Variants in SGO2 observed in about 807,000 individuals in gnomAD.
SGO2 encodes the protein shugoshin-like 2.
Under a neutral mutation model 99.5 loss-of-function variants are expected in SGO2, and 68 were observed. The observed-to-expected ratio is 0.68, with a 90% CI of 0.56 to 0.84. The LOEUF is 0.84. Among genes scored for constraint, SGO2 ranks in the 40% least tolerant of loss-of-function variants. SGO2 has a pLI of 0.00. For missense variants in SGO2, 1,350 were observed against 1,436.7 expected (o/e 0.94, Z 0.97); for synonymous variants, 457 against 487.1 (o/e 0.94, Z 0.81).
At chr2:200,535,415 C>A (rs925772183) in intron 3 of SGO2, among the ~76,000 whole-genome samples, 3 of 152,084 alleles carry the variant, frequency 2.0e-5, no homozygotes, top group African/African-American at 7.2e-5. Flanking sequence ...GACCAACATT[C>A]GATTGCTAAT....
chr2:200,530,583 T>C (rs1032550474), intron 1 of SGO2, among the ~76,000 whole-genome samples: 2 of 150,994 alleles, frequency 1.3e-5, no homozygotes, highest in African/African-American at 4.9e-5. Flanking sequence ...AAGAAGGGAG[T>C]GTAGATAAAG....
intron 5 of SGO2, among the ~76,000 whole-genome samples, chr2:200,549,118 G>A (rs2032360694): frequency 6.6e-6 from 1 of 152,078 alleles, no homozygotes; most frequent in Non-Finnish European, 1.5e-5. Context: ...GCTGGGTATG[G>A]TGGCTAATCC....
chr2:200,557,715 AAT>A (rs1451939666), intron 5 of SGO2, among the ~76,000 whole-genome samples: 1 of 152,100 alleles, frequency 6.6e-6, no homozygotes, highest in Non-Finnish European at 1.5e-5. Flanking sequence ...TTGCTATTCT[AAT>A]AGTTTGTGAA....
At chr2:200,580,918 A>G (rs945542659) in intron 8 of SGO2, among the ~76,000 whole-genome samples, 1 of 152,218 alleles carries the variant, frequency 6.6e-6, no homozygotes, top group African/African-American at 2.4e-5. Context: ...AGTGCTTTCA[A>G]TGTATCTTGA....
chr2:200,540,362 C>G (rs2031905434), intron 4 of SGO2, among the ~76,000 whole-genome samples: 1 of 152,170 alleles, frequency 6.6e-6, no homozygotes, highest in African/African-American at 2.4e-5. Flanking sequence ...TGACACTACA[C>G]TGGTGGTAAG....
intron 8 of SGO2, among the ~76,000 whole-genome samples, chr2:200,576,419 T>C (rs2033665411): frequency 6.6e-6 from 1 of 151,786 alleles, no homozygotes; most frequent in South Asian, 2.1e-4. Context: ...CTACTAAAAA[T>C]GCAAAAAGTA....
intron 2 of SGO2, among the ~76,000 whole-genome samples, chr2:200,533,565 A>G (rs1421616605): frequency 6.8e-6 from 1 of 147,500 alleles, no homozygotes; most frequent in Non-Finnish European, 1.5e-5. Context: ...GTGACTTTAT[A>G]TAGGCAATCT....
chr2:200,547,327 T>C (rs1468560800), intron 5 of SGO2, among the ~76,000 whole-genome samples: 2 of 152,178 alleles, frequency 1.3e-5, no homozygotes, highest in Admixed American at 1.3e-4. Context: ...CTTTCACGGA[T>C]AAACAAAAGC....
chr2:200,562,251 A>G (rs2033003067), intron 5 of SGO2, among the ~76,000 whole-genome samples: 1 of 152,084 alleles, frequency 6.6e-6, no homozygotes, highest in Admixed American at 6.6e-5. Flanking sequence ...TAAGGAGGGG[A>G]TCCAGTTTCA....
At chr2:200,582,383 C>A (rs1343891773) in intron 8 of SGO2, among the ~76,000 whole-genome samples, 2 of 151,992 alleles carry the variant, frequency 1.3e-5, no homozygotes, top group African/African-American at 4.8e-5. Context: ...AATAAATAGT[C>A]TAATAGATCT....
Position 200,572,400 on chromosome 2 carries a change from C to T in SGO2, c.2054C>T (p.Thr685Ile), listed in dbSNP as rs1257482710. ...AATGAAAATCAATGTGACTATAGGA[C>T]CCAGAATGTGTTGGGTTTGCAAAAG... ...RDNENQCDYRTQNVLGLQKQI... is the reference protein window; with the variant it reads ...RDNENQCDYRIQNVLGLQKQI... Residue 685 changes from threonine to isoleucine, a missense_variant, in exon 7 of 9, where the codon ACC becomes ATC. Transcript: ENST00000357799. The T allele has an allele frequency of 2.5e-6, 4 of 1,613,366 alleles. No homozygotes were observed. The highest frequency in any genetic ancestry group is 2.7e-5 in the African/African-American group (2 of 74,956).
chr2:200,536,289 A>G (rs762826207), intron 4 of SGO2, 147 bp downstream of exon 4: 28 of 453,592 alleles, frequency 6.2e-5, no homozygotes, highest in Non-Finnish European at 1.0e-4. Context: ...GGCTAACAGC[A>G]TATTATCATT....
At chr2:200,529,504 C>T (rs373592924) in intron 1 of SGO2, among the ~76,000 whole-genome samples, 394 of 151,112 alleles carry the variant, frequency 2.6e-3, no homozygotes, top group African/African-American at 4.7e-3. Flanking sequence ...AGTTTTGTTT[C>T]GTTTTGTTTT....
chr2:200,573,870 A>G lies in SGO2; in HGVS notation c.3524A>G (p.Asn1175Ser). 6.2e-7 allele frequency: 1 copy of G among 1,613,212 alleles called. No individual in the cohort carries two copies. Among genetic ancestry groups the G allele is most frequent in the Non-Finnish European group, 8.5e-7 (1 of 1,179,482 alleles). ...GGTAAAAATGTGATAATAAAAGAAA[A>G]TTTTGCCTTGGAGTGCTCCCCAGCC... The part of the protein sequence containing the change: ...SSGKNVIIKE[N>S]FALECSPAFQ... Residue 1175 changes from asparagine to serine, a missense_variant, in exon 7 of 9, where the codon AAT (asparagine) becomes AGT (serine). Coordinates refer to ENST00000357799, the MANE Select transcript of SGO2 (RefSeq NM_152524.6).
chr2:200,542,939 T>C (rs1008694843), intron 5 of SGO2: 1 of 211,650 alleles, frequency 4.7e-6, no homozygotes, highest in African/African-American at 2.3e-5. Flanking sequence ...CTTATATTGA[T>C]TTTTGCTGGA....
intron 4 of SGO2, among the ~76,000 whole-genome samples, chr2:200,537,860 C>A (rs939945062): frequency 9.2e-5 from 14 of 152,128 alleles, no homozygotes; most frequent in African/African-American, 3.1e-4. Flanking sequence ...GCCACCAAAC[C>A]AGTTCTTTTT....
At chr2:200,563,650 T>G (rs143934180) in intron 5 of SGO2, among the ~76,000 whole-genome samples, 3,788 of 152,324 alleles carry the variant, frequency 0.025, 174 homozygotes, top group African/African-American at 0.087. Context: ...CTCCTCTTTG[T>G]ACCTCTGGTA....
chr2:200,542,540 G>A, intron 4 of SGO2, 39 bp from the exon 5 acceptor site: 1 of 1,495,128 alleles, frequency 6.7e-7, no homozygotes. Context: ...GATTTAATAA[G>A]GTTAGAAACT....
Position 200,532,269 on chromosome 2 carries a change from TTTG to T in SGO2, c.-2-702_-2-700del, listed in dbSNP as rs375918999. On this transcript the variant is annotated intron_variant, in intron 1 of 8. Transcript: ENST00000357799. Reference sequence around the variant, plus strand: ...TAGGCAGGTGCAGGTGACAGAGTTTTTTGTTTTTTTTTTTGTTTTTTTTTTTTT... The same window carrying T: ...TAGGCAGGTGCAGGTGACAGAGTTTTTTTTTTTTTTTGTTTTTTTTTTTTT... 9.2e-6 allele frequency: 4 copies of T among 434,258 alleles called. No individual in the cohort carries two copies. The African/African-American group carries it at 1.1e-4, about 12-fold the overall frequency. The allele number at this position is 434,258 out of a possible 1,614,324, so 26.9% of individuals were successfully genotyped here.
Sources: allele counts gnomAD v4.1 joint callset (sites outside exome capture counted in the v4.1 genomes callset), GRCh38; gene constraint gnomAD v4.1.1; transcripts MANE v1.5; gene names NCBI Gene and HGNC (gene_info 2026-07-23, HGNC 2026-07-21).